The following CCSER1 variants were observed in gnomAD, a reference collection of about 807,000 sequenced individuals.
CCSER1 encodes the protein serine-rich coiled-coil domain-containing protein 1.
Under a neutral mutation model 82.0 loss-of-function variants are expected in CCSER1, and 41 were observed. That is an observed-to-expected ratio of 0.50 (90% CI 0.39 to 0.65). CCSER1 has a LOEUF of 0.65. Among genes scored for constraint, CCSER1 ranks in the 30% least tolerant of loss-of-function variants. CCSER1 has a pLI of 0.00. For synonymous variants in CCSER1, 414 were observed against 383.9 expected (o/e 1.08, Z -0.92); for missense variants, 1,119 against 1,064.2 (o/e 1.05, Z -0.72).
chr4:91,367,200 G>A lies in CCSER1; in HGVS notation c.2218-231372G>A, dbSNP rs115502748. On this transcript the variant is annotated intron_variant, in intron 10 of 10. Transcript: ENST00000509176. ...GTTATGGTGGATTGAACCTGTAGTCGAAGCTACTTGGGGGGCTGAGGTGGG... is the reference window on the plus strand; with the variant it reads ...GTTATGGTGGATTGAACCTGTAGTCAAAGCTACTTGGGGGGCTGAGGTGGG... 5.8e-3 allele frequency among the ~76,000 whole-genome samples: 852 copies of A among 147,778 alleles called. 13 individuals are homozygous for A. Among genetic ancestry groups the A allele is most frequent in the African/African-American group, 0.02 (791 of 40,210 alleles).
At chr4:90,967,922 T>G (rs1252444956) in intron 9 of CCSER1, among the ~76,000 whole-genome samples, 1 of 152,024 alleles carries the variant, frequency 6.6e-6, no homozygotes, top group African/African-American at 2.4e-5. Flanking sequence ...AAGAACAGTT[T>G]TACTTTATCA....
chr4:91,447,797 A>C (rs1755652115), intron 10 of CCSER1, among the ~76,000 whole-genome samples: 1 of 152,130 alleles, frequency 6.6e-6, no homozygotes. Flanking sequence ...ACAGTAATAC[A>C]GTACTTATCA....
chr4:91,042,746 G>T (rs1287929245), intron 9 of CCSER1, among the ~76,000 whole-genome samples: 1 of 152,104 alleles, frequency 6.6e-6, no homozygotes, highest in South Asian at 2.1e-4. Context: ...ATAGAAGAAT[G>T]AATTTCCAGC....
intron 3 of CCSER1, among the ~76,000 whole-genome samples, chr4:90,323,250 A>G (rs1737500877): frequency 6.6e-6 from 1 of 152,162 alleles, no homozygotes; most frequent in Non-Finnish European, 1.5e-5. Flanking sequence ...TGGCTGCCAC[A>G]GGTGTTGTCT....
intron 1 of CCSER1, among the ~76,000 whole-genome samples, chr4:90,182,256 T>C (rs1196806602): frequency 1.3e-5 from 2 of 152,134 alleles, no homozygotes. Flanking sequence ...AGAGTTATGG[T>C]TTTGAAACAC....
intron 10 of CCSER1, among the ~76,000 whole-genome samples, chr4:91,571,589 A>G (rs1231295519): frequency 6.6e-6 from 1 of 152,218 alleles, no homozygotes; most frequent in Non-Finnish European, 1.5e-5. Context: ...AGATCTTATG[A>G]GAACTCACTA....
At chr4:90,521,031 C>CT (rs1773043386) in intron 5 of CCSER1, among the ~76,000 whole-genome samples, 1 of 152,178 alleles carries the variant, frequency 6.6e-6, no homozygotes, top group African/African-American at 2.4e-5. Flanking sequence ...ATCCTTGACA[C>CT]TTTCATTTTA....
At chr4:90,403,448 A>G (rs6848711) in intron 4 of CCSER1, among the ~76,000 whole-genome samples, 9,154 of 147,222 alleles carry the variant, frequency 0.062, 427 homozygotes, top group African/African-American at 0.14. Context: ...GCAGTGAGCC[A>G]AGATCCCGCC....
chr4:91,338,718 C>G (rs1747487712), intron 10 of CCSER1, among the ~76,000 whole-genome samples: 1 of 152,140 alleles, frequency 6.6e-6, no homozygotes, highest in African/African-American at 2.4e-5. Context: ...ATTTACTTCA[C>G]ATAGATGTGG....
At chr4:90,791,834 C>A (rs866259338) in intron 7 of CCSER1, among the ~76,000 whole-genome samples, 307 of 114,232 alleles carry the variant, frequency 2.7e-3, no homozygotes, top group East Asian at 0.016. Flanking sequence ...AAAAAAAAAA[C>A]ACACACACAC....
intron 10 of CCSER1, among the ~76,000 whole-genome samples, chr4:91,337,892 T>C (rs146251259): frequency 1.3e-5 from 2 of 152,220 alleles, no homozygotes; most frequent in Admixed American, 1.3e-4. Context: ...TTTGTTACTG[T>C]TACAATTTTA....
intron 7 of CCSER1, among the ~76,000 whole-genome samples, chr4:90,734,230 A>T (rs138823412): frequency 0.048 from 7,250 of 151,960 alleles, 238 homozygotes; most frequent in Non-Finnish European, 0.07. Flanking sequence ...GGTTCTTGCC[A>T]TTCTCCTGCC....
intron 10 of CCSER1, among the ~76,000 whole-genome samples, chr4:91,336,984 A>T (rs935599486): frequency 1.3e-5 from 2 of 152,154 alleles, no homozygotes; most frequent in Non-Finnish European, 2.9e-5. Context: ...ATACAAATGC[A>T]TATAGAATAA....
At chr4:90,562,544 A>G (rs934941857) in intron 5 of CCSER1, among the ~76,000 whole-genome samples, 1 of 151,942 alleles carries the variant, frequency 6.6e-6, no homozygotes, top group Non-Finnish European at 1.5e-5. Context: ...TTTTTTATTT[A>G]TTTATTTATT....
intron 9 of CCSER1, among the ~76,000 whole-genome samples, chr4:90,924,972 G>A (rs775436219): frequency 6.6e-6 from 1 of 152,052 alleles, no homozygotes; most frequent in Admixed American, 6.6e-5. Context: ...AATGATCCAC[G>A]CGCCTTAGCC....
At chr4:90,634,849 G>T (rs1725132314) in intron 6 of CCSER1, among the ~76,000 whole-genome samples, 1 of 151,606 alleles carries the variant, frequency 6.6e-6, no homozygotes, top group South Asian at 2.1e-4. Flanking sequence ...ATTTATTTTT[G>T]CTGGTCCAGA....
At chr4:90,998,282 G>A (rs28705252) in intron 9 of CCSER1, among the ~76,000 whole-genome samples, 6,081 of 152,120 alleles carry the variant, frequency 0.04, 154 homozygotes, top group Middle Eastern at 0.085. Context: ...GTTTCTCCAT[G>A]TTGATCAAGC....
At chr4:91,078,660 T>A (rs1722307713) in intron 9 of CCSER1, among the ~76,000 whole-genome samples, 1 of 152,148 alleles carries the variant, frequency 6.6e-6, no homozygotes, top group South Asian at 2.1e-4. Context: ...TACGAACCCA[T>A]CGCAAGAAGC....
At chr4:91,202,523 A>G (rs1221645132) in intron 10 of CCSER1, among the ~76,000 whole-genome samples, 1 of 152,010 alleles carries the variant, frequency 6.6e-6, no homozygotes, top group Admixed American at 6.6e-5. Context: ...CCTTTGTCAC[A>G]ATGTCAAGGA....
Sources: gnomAD v4.1 joint callset for allele counts (sites outside exome capture counted in the v4.1 genomes callset) on GRCh38, gnomAD v4.1.1 for gene constraint, MANE v1.5 for transcripts, NCBI Gene and HGNC (gene_info 2026-07-23, HGNC 2026-07-21) for gene names.